Variants in DLG2 observed in about 807,000 individuals in gnomAD.
DLG2 encodes disks large homolog 2.
In DLG2, 45 loss-of-function variants were observed where a neutral mutation model predicts 132.5. That is an observed-to-expected ratio of 0.34 (90% CI 0.27 to 0.44). The LOEUF (loss-of-function observed/expected upper bound fraction) is 0.44. DLG2 is among the 20% of genes least tolerant of loss of function. The pLI is 1.00. For synonymous variants in DLG2, 424 were observed against 419.6 expected, an observed-to-expected ratio of 1.01 and a Z score of -0.13; for missense variants, 1,045 against 1,196.9, an observed-to-expected ratio of 0.87 and a Z score of 1.87.
At chr11:84,145,755 TAACTC>T (rs1393447412) in intron 9 of DLG2, among the ~76,000 whole-genome samples, 9 of 152,246 alleles carry the variant, frequency 5.9e-5, no homozygotes, top group African/African-American at 2.2e-4. Flanking sequence ...AGAAAGGAGA[TAACTC>T]AGCTGAGCAC....
intron 9 of DLG2, among the ~76,000 whole-genome samples, chr11:84,130,761 G>A (rs1410389088): frequency 2.0e-5 from 3 of 151,584 alleles, no homozygotes; most frequent in African/African-American, 7.3e-5. Flanking sequence ...CAAACTACAG[G>A]GTAAAGATGC....
chr11:84,840,161 C>T (rs1167504888), intron 6 of DLG2, among the ~76,000 whole-genome samples: 1 of 152,038 alleles, frequency 6.6e-6, no homozygotes, highest in Admixed American at 6.6e-5. Flanking sequence ...CAAACAACCT[C>T]ATCAAAAAGG....
intron 3 of DLG2, among the ~76,000 whole-genome samples, chr11:85,310,460 G>A (rs988149851): frequency 1.3e-5 from 2 of 152,154 alleles, no homozygotes; most frequent in African/African-American, 4.8e-5. Flanking sequence ...CCCCAATCCT[G>A]ACTTATAAGA....
At chr11:85,058,256 C>A (rs745931573) in intron 6 of DLG2, among the ~76,000 whole-genome samples, 23 of 151,322 alleles carry the variant, frequency 1.5e-4, no homozygotes, top group Non-Finnish European at 3.3e-4. Context: ...AAATATATCA[C>A]CAACAATTGA....
chr11:84,639,340 A>G (rs571867657), intron 6 of DLG2, among the ~76,000 whole-genome samples: 1 of 137,178 alleles, frequency 7.3e-6, no homozygotes, highest in East Asian at 2.0e-4. Flanking sequence ...CATATTGCAG[A>G]TATCTGTGTT....
chr11:84,338,630 C>A (rs761557542), intron 7 of DLG2, among the ~76,000 whole-genome samples: 2 of 152,042 alleles, frequency 1.3e-5, no homozygotes, highest in Admixed American at 1.3e-4. Context: ...CAAGACCAAC[C>A]TGGCTAACAT....
chr11:84,756,962 C>G (rs909025013), intron 6 of DLG2, among the ~76,000 whole-genome samples: 1 of 152,170 alleles, frequency 6.6e-6, no homozygotes, highest in African/African-American at 2.4e-5. Context: ...CATCAGCCTA[C>G]AGCAACTACC....
intron 7 of DLG2, among the ~76,000 whole-genome samples, chr11:84,257,302 C>T (rs1173328158): frequency 6.6e-6 from 1 of 152,166 alleles, no homozygotes; most frequent in Non-Finnish European, 1.5e-5. Flanking sequence ...TTCCACATCT[C>T]TAGGTGCTAG....
intron 16 of DLG2, among the ~76,000 whole-genome samples, chr11:83,869,726 T>C (rs1266422275): frequency 6.6e-6 from 1 of 152,216 alleles, no homozygotes; most frequent in East Asian, 1.9e-4. Flanking sequence ...ATTTATTCCA[T>C]AAAGGATTCC....
intron 18 of DLG2, among the ~76,000 whole-genome samples, chr11:83,737,691 C>T (rs189880951): frequency 1.3e-5 from 2 of 152,254 alleles, no homozygotes; most frequent in South Asian, 2.1e-4. Flanking sequence ...TGGTGGCTCA[C>T]GCCTGTAATC....
chr11:84,617,531 C>A (rs957562392), intron 6 of DLG2, among the ~76,000 whole-genome samples: 1 of 152,214 alleles, frequency 6.6e-6, no homozygotes. Context: ...AATGGTATTT[C>A]TGGTTCTAAA....
intron 7 of DLG2, among the ~76,000 whole-genome samples, chr11:84,520,690 G>T (rs1345080040): frequency 6.6e-6 from 1 of 152,144 alleles, no homozygotes; most frequent in Non-Finnish European, 1.5e-5. Context: ...GAAAAAGAGG[G>T]TGGAATGGAA....
chr11:85,418,199 T>C (rs1031534941), intron 3 of DLG2, among the ~76,000 whole-genome samples: 38 of 152,222 alleles, frequency 2.5e-4, no homozygotes, highest in Non-Finnish European at 2.9e-5. Flanking sequence ...TTTTGTTATT[T>C]ACCCAGTAGT....
intron 6 of DLG2, 112 bp from the exon 7 acceptor site, chr11:84,534,843 T>C (rs534982264): frequency 4.0e-6 from 5 of 1,250,948 alleles, no homozygotes; most frequent in Non-Finnish European, 5.8e-6. Context: ...CACCTACTGT[T>C]GACTTCACCA....
At chr11:83,680,245 G>C (rs2078533399) in intron 18 of DLG2, among the ~76,000 whole-genome samples, 1 of 152,138 alleles carries the variant, frequency 6.6e-6, no homozygotes, top group Admixed American at 6.5e-5. Flanking sequence ...AAACCACACT[G>C]AATCAAAACC....
At chr11:85,375,274 T>A (rs2085316337) in intron 3 of DLG2, among the ~76,000 whole-genome samples, 1 of 152,186 alleles carries the variant, frequency 6.6e-6, no homozygotes, top group Non-Finnish European at 1.5e-5. Flanking sequence ...AAATAACTAC[T>A]GGGGACTATG....
intron 17 of DLG2, among the ~76,000 whole-genome samples, chr11:83,816,895 C>A (rs2049112604): frequency 1.3e-5 from 2 of 152,180 alleles, no homozygotes; most frequent in African/African-American, 2.4e-5. Flanking sequence ...AGGTTACACA[C>A]ATTCCTGTCA....
chr11:85,068,646 A>T (rs1182419488), intron 6 of DLG2, among the ~76,000 whole-genome samples: 1 of 152,104 alleles, frequency 6.6e-6, no homozygotes, highest in Non-Finnish European at 1.5e-5. Context: ...TCAAGGAAAT[A>T]AAAGAGGATA....
chr11:84,420,369 T>A (rs928401560), intron 7 of DLG2, among the ~76,000 whole-genome samples: 5 of 152,166 alleles, frequency 3.3e-5, no homozygotes, highest in African/African-American at 4.8e-5. Flanking sequence ...ACAGTGGAAT[T>A]TGAAATACGA....
Sources: gnomAD v4.1 joint callset for allele counts (sites outside exome capture counted in the v4.1 genomes callset) on GRCh38, gnomAD v4.1.1 for gene constraint, MANE v1.5 for transcripts, NCBI Gene and HGNC (gene_info 2026-07-23, HGNC 2026-07-21) for gene names.